AXIN1: variants seen among roughly 807,000 people sequenced by gnomAD.
AXIN1 encodes axin 1.
In AXIN1, 30 loss-of-function variants were observed where a neutral mutation model predicts 76.4. The ratio of observed to expected loss-of-function variants is 0.39; its 90% CI spans 0.29 to 0.53. The LOEUF (loss-of-function observed/expected upper bound fraction) is 0.53. AXIN1 is among the 20% of genes least tolerant of loss of function. The pLI is 0.66. For missense variants in AXIN1, 1,140 were observed against 1,198.8 expected (o/e 0.95, Z 0.72); for synonymous variants, 545 against 501.4 (o/e 1.09, Z -1.16).
intron 2 of AXIN1, among the ~76,000 whole-genome samples, chr16:338,173 G>A (rs977780400): frequency 6.6e-5 from 10 of 152,234 alleles, no homozygotes; most frequent in Non-Finnish European, 1.3e-4. Flanking sequence ...TGACGTCTGC[G>A]TTTGACAAGG....
chr16:306,706 G>A (rs555827590), intron 4 of AXIN1, among the ~76,000 whole-genome samples: 18 of 152,368 alleles, frequency 1.2e-4, no homozygotes, highest in African/African-American at 3.1e-4. Context: ...TTCAAGGAAC[G>A]TGGAGTATGA....
rs999969368 is a variant in AXIN1 at position 340,955 on chromosome 16, C to T, written c.878+5193G>A. 2.0e-5 allele frequency among the ~76,000 whole-genome samples: 3 copies of T among 152,240 alleles called. No homozygotes were observed. The East Asian group carries it at 5.8e-4, about 29-fold the overall frequency. On this transcript the variant is annotated intron_variant, in intron 2 of 10. Transcript: ENST00000262320. ...CTGGATGCCTGTGGCCGTGCTGGAC[C>T]GCAGCAGCCCCACCGCAGGGGATGA...
chr16:350,501 T>G (rs1166385274), intron 1 of AXIN1, among the ~76,000 whole-genome samples: 3 of 152,198 alleles, frequency 2.0e-5, no homozygotes, highest in Non-Finnish European at 4.4e-5. Context: ...CCAGGCATCA[T>G]GGCAGCAAAC....
At chr16:291,377 G>C (rs574157656) in intron 8 of AXIN1, 80 bp from the exon 9 acceptor site, 16 of 1,234,732 alleles carry the variant, frequency 1.3e-5, no homozygotes, top group Non-Finnish European at 1.7e-5. Context: ...ATGCTGCTGC[G>C]CAGGGACGGA....
At chr16:320,761 A>G (rs1355060515) in intron 2 of AXIN1, among the ~76,000 whole-genome samples, 1 of 53,458 alleles carries the variant, frequency 1.9e-5, no homozygotes, top group Non-Finnish European at 3.4e-5. Context: ...TTTTTTTGAG[A>G]CGGAGCCTCG....
chr16:301,890 T>C (rs71378509), intron 5 of AXIN1, among the ~76,000 whole-genome samples: 39 of 152,224 alleles, frequency 2.6e-4, no homozygotes, highest in Admixed American at 6.5e-5. Flanking sequence ...AGCATGTTTG[T>C]TTAAGGGCTG....
intron 2 of AXIN1, among the ~76,000 whole-genome samples, chr16:341,858 T>C (rs2141686042): frequency 6.6e-6 from 1 of 152,372 alleles, no homozygotes; most frequent in South Asian, 2.1e-4. Flanking sequence ...ATCGACACTC[T>C]GTATCTAGCT....
chr16:314,688 A>C lies in AXIN1; in HGVS notation c.879-5T>G, dbSNP rs528610775. 6.2e-7 allele frequency: 1 copy of C among 1,613,502 alleles called. No individual in the cohort carries two copies. Among genetic ancestry groups the C allele is most frequent in the Admixed American group, 1.7e-5 (1 of 60,020 alleles). ...GGCTCCCGCCAGGATCCATACCTGC[A>C]AACAGGCAAGCAGGGCATGTTAGTG... On this transcript the variant is annotated splice_region_variant and splice_polypyrimidine_tract_variant and intron_variant, in intron 2 of 10. Transcript: ENST00000262320.
chr16:341,599 C>T (rs564137452), intron 2 of AXIN1, among the ~76,000 whole-genome samples: 171 of 152,382 alleles, frequency 1.1e-3, no homozygotes, highest in African/African-American at 4.0e-3. Context: ...CGCCCGGTCC[C>T]ATTGACCACC....
At chr16:313,003 C>A (rs1036387206) in intron 3 of AXIN1, among the ~76,000 whole-genome samples, 2 of 152,032 alleles carry the variant, frequency 1.3e-5, no homozygotes, top group African/African-American at 2.4e-5. Flanking sequence ...AGTGAGGCCT[C>A]GTCTCCACAA....
At chr16:311,382 C>T (rs1323477581) in intron 3 of AXIN1, among the ~76,000 whole-genome samples, 1 of 152,142 alleles carries the variant, frequency 6.6e-6, no homozygotes, top group Non-Finnish European at 1.5e-5. Flanking sequence ...ACACGAAAGT[C>T]AGATTATACA....
intron 4 of AXIN1, among the ~76,000 whole-genome samples, chr16:307,181 T>A (rs1452350165): frequency 3.3e-5 from 5 of 150,830 alleles, no homozygotes; most frequent in African/African-American, 1.2e-4. Flanking sequence ...AAGGGCAGGA[T>A]GAAAAGCCCA....
intron 5 of AXIN1, among the ~76,000 whole-genome samples, 186 bp from the exon 6 acceptor site, chr16:298,437 C>A (rs1008502637): frequency 1.3e-5 from 2 of 152,230 alleles, no homozygotes; most frequent in Non-Finnish European, 2.9e-5. Context: ...ACAGAAGGAG[C>A]GGAGACAGCA....
chr16:326,373 ATATATAT>A (rs1280946638), intron 2 of AXIN1, among the ~76,000 whole-genome samples: 15 of 49,558 alleles, frequency 3.0e-4, no homozygotes, highest in East Asian at 1.2e-3. Context: ...AAAAAAAAAA[ATATATAT>A]ATATATATAT....
At chr16:319,896 G>T (rs1389021612) in intron 2 of AXIN1, among the ~76,000 whole-genome samples, 1 of 152,194 alleles carries the variant, frequency 6.6e-6, no homozygotes, top group South Asian at 2.1e-4. Context: ...GTCGGATCGG[G>T]TTGGTTTATC....
rs2053531184 is a variant in AXIN1, at chr16:324,326, C to T, written c.879-9643G>A. Among the ~76,000 whole-genome samples the T allele has an allele frequency of 2.6e-5, 4 of 152,328 alleles. No homozygotes were observed. In the South Asian group the frequency reaches 8.3e-4, roughly 32 times the overall value. ...TCCTGCCGGATCCTTTCTGAGCCCT[C>T]CTGGGAGGAGGCTGGGGGCCGGAAT... On this transcript the variant is annotated intron_variant, in intron 2 of 10. Transcript: ENST00000262320.
Position 326,354 on chromosome 16 carries a change from CAAAAA to C in AXIN1, c.879-11676_879-11672del, listed in dbSNP as rs1187459071. Among the ~76,000 whole-genome samples the C allele has an allele frequency of 1.1e-3, 68 of 64,174 alleles. 1 individual carries two copies. Among genetic ancestry groups the C allele is most frequent in the African/African-American group, 3.8e-3 (58 of 15,150 alleles). 42.1% of individuals were successfully genotyped at this position (64,174 alleles called of 152,430 possible). Reference sequence around the variant, plus strand: ...GGGCAACAAGAGCAAAACTCCGTCTCAAAAAAAAAAAAAAAAAAATATATATATAT... The same window carrying C: ...GGGCAACAAGAGCAAAACTCCGTCTCAAAAAAAAAAAAAATATATATATAT... On this transcript the variant is annotated intron_variant, in intron 2 of 10. Coordinates refer to ENST00000262320, the MANE Select transcript of AXIN1 (RefSeq NM_003502.4).
intron 2 of AXIN1, 142 bp from the exon 3 acceptor site, chr16:314,825 A>G: frequency 8.1e-7 from 1 of 1,236,898 alleles, no homozygotes; most frequent in Non-Finnish European, 1.1e-6. Flanking sequence ...CATGGAGAAA[A>G]GACCAACATC....
intron 2 of AXIN1, among the ~76,000 whole-genome samples, chr16:325,048 C>G (rs1401919045): frequency 6.6e-6 from 1 of 152,176 alleles, no homozygotes; most frequent in Non-Finnish European, 1.5e-5. Context: ...TTCTGACGCG[C>G]ACCAGATCAC....
Sources: gnomAD v4.1 joint callset for allele counts (sites outside exome capture counted in the v4.1 genomes callset) on GRCh38, gnomAD v4.1.1 for gene constraint, MANE v1.5 for transcripts, NCBI Gene and HGNC (gene_info 2026-07-23, HGNC 2026-07-21) for gene names.